Variants in CNTN6 observed in about 807,000 individuals in gnomAD.
CNTN6 encodes contactin 6.
A neutral mutation model predicts 122.8 loss-of-function variants in CNTN6; 137 were observed. That is an observed-to-expected ratio of 1.12 (90% CI 0.97 to 1.29). The LOEUF (loss-of-function observed/expected upper bound fraction) is 1.29. Among genes scored for constraint, CNTN6 ranks in the 50% most tolerant of loss-of-function variants. The pLI, the probability that CNTN6 is intolerant of heterozygous loss-of-function variation, is 0.00. For synonymous variants in CNTN6, 570 were observed against 426.0 expected, an observed-to-expected ratio of 1.34 and a Z score of -4.16; for missense variants, 1,634 against 1,223.4, an observed-to-expected ratio of 1.34 and a Z score of -5.01.
chr3:1,300,574 AAAGAAAGAAAGAAAG>A (rs776453476), intron 7 of CNTN6, among the ~76,000 whole-genome samples: 97 of 118,228 alleles, frequency 8.2e-4, no homozygotes, highest in South Asian at 1.4e-3. Flanking sequence ...AGAAAGAAAG[AAAGAAAGAAAGAAAG>A]AAAGAAAGAA....
At chr3:1,183,003 T>C (rs2093579477) in intron 2 of CNTN6, among the ~76,000 whole-genome samples, 1 of 152,184 alleles carries the variant, frequency 6.6e-6, no homozygotes, top group African/African-American at 2.4e-5. Context: ...ATTGTTAACT[T>C]ACTGAAAAGC....
chr3:1,379,564 TCTA>T (rs1471954399), intron 17 of CNTN6, among the ~76,000 whole-genome samples: 3 of 152,006 alleles, frequency 2.0e-5, no homozygotes, highest in Non-Finnish European at 4.4e-5. Context: ...TACCCCCGAA[TCTA>T]AAATAAAAGT....
At chr3:1,231,706 T>C in intron 4 of CNTN6, among the ~76,000 whole-genome samples, 1 of 152,238 alleles carries the variant, frequency 6.6e-6, no homozygotes, top group East Asian at 1.9e-4. Flanking sequence ...AAGTATATTT[T>C]GAATTATTTG....
chr3:1,297,993 T>G lies in CNTN6; in HGVS notation c.761+2T>G. On this transcript the variant is annotated splice_donor_variant, in intron 7 of 22. Transcript: ENST00000446702. LOFTEE classifies it high-confidence loss of function. Reference sequence around the variant, plus strand: ...ACTGGAATGTTTTGCCCTTGGAAAGTAAGGTTTTTGTTTTTGTTTTTGTTT... The same window carrying G: ...ACTGGAATGTTTTGCCCTTGGAAAGGAAGGTTTTTGTTTTTGTTTTTGTTT... 2 of 1,556,388 alleles carry G rather than the reference T, an allele frequency of 1.3e-6. No homozygotes were observed. The highest frequency in any genetic ancestry group is 1.7e-6 in the Non-Finnish European group (2 of 1,164,360).
chr3:1,167,417 A>T (rs1370671720), intron 2 of CNTN6, among the ~76,000 whole-genome samples: 2 of 152,144 alleles, frequency 1.3e-5, no homozygotes, highest in Non-Finnish European at 2.9e-5. Context: ...TCCATATCCA[A>T]TGTATCTTTT....
rs544070821 is a variant in CNTN6, at chr3:1,175,538, T to C, written c.55+27475T>C. ...AGGGAGAGGCAGGGACCAAACTATATAGGACTTTGTAGGTCCTTTTACAAA... is the reference window on the plus strand; with the variant it reads ...AGGGAGAGGCAGGGACCAAACTATACAGGACTTTGTAGGTCCTTTTACAAA... On this transcript the variant is annotated intron_variant, in intron 2 of 22. Transcript: ENST00000446702. Among the ~76,000 whole-genome samples the C allele has an allele frequency of 2.0e-4, 30 of 152,256 alleles. No individual in the cohort carries two copies. In the East Asian group the frequency reaches 4.1e-3, roughly 21 times the overall value.
At chr3:1,384,790 T>TAC (rs1366071144) in intron 19 of CNTN6, among the ~76,000 whole-genome samples, 45 of 136,056 alleles carry the variant, frequency 3.3e-4, no homozygotes, top group African/African-American at 1.2e-3. Flanking sequence ...TATATATATA[T>TAC]ATATATACAC....
intron 5 of CNTN6, among the ~76,000 whole-genome samples, chr3:1,289,492 C>G (rs1694915090): frequency 6.6e-6 from 1 of 152,140 alleles, no homozygotes; most frequent in Non-Finnish European, 1.5e-5. Context: ...CTCGCAAATC[C>G]TTGCCATCCC....
intron 11 of CNTN6, among the ~76,000 whole-genome samples, chr3:1,348,524 G>A (rs992850563): frequency 6.6e-6 from 1 of 152,024 alleles, no homozygotes; most frequent in African/African-American, 2.4e-5. Context: ...ATTAGACTCT[G>A]AAGGTCAGAT....
intron 4 of CNTN6, among the ~76,000 whole-genome samples, chr3:1,245,295 C>CATATATATATATT (rs2094560837): frequency 5.3e-4 from 2 of 3,800 alleles, no homozygotes; most frequent in Non-Finnish European, 1.4e-3. Flanking sequence ...ATATATATAA[C>CATATATATATATT]ATATATATAT....
chr3:1,344,126 A>G (rs1354924023), intron 11 of CNTN6, among the ~76,000 whole-genome samples: 1 of 152,080 alleles, frequency 6.6e-6, no homozygotes, highest in Non-Finnish European at 1.5e-5. Flanking sequence ...GAGAAAGCAT[A>G]TCGTGAACTC....
At chr3:1,162,448 C>G (rs1009831992) in intron 2 of CNTN6, among the ~76,000 whole-genome samples, 3 of 152,162 alleles carry the variant, frequency 2.0e-5, no homozygotes, top group Non-Finnish European at 2.9e-5. Flanking sequence ...AGAGAATCAC[C>G]AATCACAGAG....
chr3:1,363,930 C>G (rs1707837305), intron 12 of CNTN6, among the ~76,000 whole-genome samples: 1 of 151,824 alleles, frequency 6.6e-6, no homozygotes, highest in Non-Finnish European at 1.5e-5. Flanking sequence ...CATCTCTTGT[C>G]TTTTTGACAG....
At chr3:1,337,678 T>A (rs1703266421) in intron 11 of CNTN6, among the ~76,000 whole-genome samples, 1 of 152,158 alleles carries the variant, frequency 6.6e-6, no homozygotes, top group Non-Finnish European at 1.5e-5. Flanking sequence ...GCCAGGCTTA[T>A]TACAATCTCC....
chr3:1,265,740 T>A (rs987627811), intron 4 of CNTN6, among the ~76,000 whole-genome samples: 4 of 152,192 alleles, frequency 2.6e-5, no homozygotes, highest in East Asian at 1.9e-4. Context: ...AAAGATGTCT[T>A]GTCTCCTGAT....
chr3:1,384,796 T>TATATACACACACAC (rs1224742660), intron 19 of CNTN6, among the ~76,000 whole-genome samples: 3 of 133,788 alleles, frequency 2.2e-5, no homozygotes, highest in African/African-American at 8.5e-5. Context: ...TATATATATA[T>TATATACACACACAC]ACACACACAC....
intron 11 of CNTN6, among the ~76,000 whole-genome samples, chr3:1,346,275 C>T (rs540231076): frequency 2.0e-5 from 3 of 152,100 alleles, no homozygotes; most frequent in African/African-American, 4.8e-5. Flanking sequence ...CAGGTGCTAT[C>T]GTTTGGATAT....
intron 4 of CNTN6, among the ~76,000 whole-genome samples, chr3:1,268,450 A>AC (rs2094962330): frequency 6.6e-6 from 1 of 151,950 alleles, no homozygotes; most frequent in Admixed American, 6.6e-5. Flanking sequence ...TACTAAAAAT[A>AC]TAAAAAATTA....
At position 1,357,992 on chromosome 3, in the gene CNTN6, A is replaced by G. The variant is rs533219301; in HGVS notation, c.1492+5541A>G. 4.6e-5 allele frequency among the ~76,000 whole-genome samples: 7 copies of G among 151,980 alleles called. No homozygotes were observed. The South Asian group carries it at 6.2e-4, about 14-fold the overall frequency. The stretch of plus-strand genomic sequence containing the variant: ...ATATAGAACATCATTATCATCCAAC[A>G]TCTAGAACTTTTTTTATGTCACTTA... On this transcript the variant is annotated intron_variant, in intron 12 of 22. Coordinates refer to ENST00000446702, the MANE Select transcript of CNTN6 (RefSeq NM_001289080.2).
Sources: allele counts gnomAD v4.1 joint callset (sites outside exome capture counted in the v4.1 genomes callset), GRCh38; gene constraint gnomAD v4.1.1; transcripts MANE v1.5; gene names NCBI Gene and HGNC (gene_info 2026-07-23, HGNC 2026-07-21).